Variants in ITFG1 observed in about 807,000 individuals in gnomAD.
ITFG1 encodes the protein T-cell immunomodulatory protein.
A neutral mutation model predicts 81.8 loss-of-function variants in ITFG1; 34 were observed. That is an observed-to-expected ratio of 0.42 (90% CI 0.32 to 0.55). The LOEUF (loss-of-function observed/expected upper bound fraction) is 0.55, where lower values mean the gene tolerates loss of function less well. ITFG1 is among the 20% of genes least tolerant of loss of function. ITFG1 has a pLI of 0.17. For missense variants in ITFG1, 672 were observed against 755.4 expected (o/e 0.89, Z 1.29); for synonymous variants, 285 against 270.6 (o/e 1.05, Z -0.52).
chr16:47,376,906 T>C (rs1258968880), intron 6 of ITFG1, among the ~76,000 whole-genome samples: 1 of 140,206 alleles, frequency 7.1e-6, no homozygotes, highest in Non-Finnish European at 1.5e-5. Flanking sequence ...GAGGCGGAGG[T>C]TGCAGTGAGC....
chr16:47,359,774 A>G (rs1313496361), intron 8 of ITFG1, among the ~76,000 whole-genome samples: 1 of 152,176 alleles, frequency 6.6e-6, no homozygotes, highest in Non-Finnish European at 1.5e-5. Flanking sequence ...ACCTTCTACA[A>G]CTTCACTCAA....
chr16:47,158,845 A>C, intron 17 of ITFG1, 28 bp downstream of exon 17: 1 of 1,274,510 alleles, frequency 7.8e-7, no homozygotes, highest in South Asian at 1.3e-5. Flanking sequence ...AATTAACCAA[A>C]ATTAATGCTT....
chr16:47,414,011 G>C (rs888938854), intron 6 of ITFG1, among the ~76,000 whole-genome samples: 3 of 151,716 alleles, frequency 2.0e-5, no homozygotes, highest in African/African-American at 7.3e-5. Context: ...AGTAGAGTCG[G>C]GGTTTCACCA....
chr16:47,343,168 A>G (rs886919301), intron 8 of ITFG1, among the ~76,000 whole-genome samples: 20 of 152,164 alleles, frequency 1.3e-4, no homozygotes, highest in African/African-American at 4.3e-4. Context: ...AATATAATTT[A>G]CAGTCTAGAA....
intron 6 of ITFG1, among the ~76,000 whole-genome samples, chr16:47,391,149 A>T (rs770723592): frequency 2.0e-5 from 3 of 152,042 alleles, no homozygotes; most frequent in Non-Finnish European, 4.4e-5. Context: ...CAAAGGTGGG[A>T]AAGGGACATG....
intron 6 of ITFG1, among the ~76,000 whole-genome samples, chr16:47,414,324 G>A (rs1303183281): frequency 6.7e-6 from 1 of 150,220 alleles, no homozygotes; most frequent in Non-Finnish European, 1.5e-5. Context: ...AGGAGTTCAA[G>A]ACCAGCCTGG....
chr16:47,336,667 C>T (rs1033721786), intron 8 of ITFG1, among the ~76,000 whole-genome samples: 1 of 152,052 alleles, frequency 6.6e-6, no homozygotes, highest in Non-Finnish European at 1.5e-5. Context: ...AAGGGAAATT[C>T]GTTAAGAAAT....
intron 10 of ITFG1, among the ~76,000 whole-genome samples, chr16:47,286,148 A>T (rs536004703): frequency 1.3e-5 from 2 of 152,294 alleles, no homozygotes; most frequent in South Asian, 4.1e-4. Context: ...AACTCTACAT[A>T]GGTAGAGGGA....
At chr16:47,236,075 T>C (rs769691324) in intron 13 of ITFG1, among the ~76,000 whole-genome samples, 1 of 152,200 alleles carries the variant, frequency 6.6e-6, no homozygotes, top group Non-Finnish European at 1.5e-5. Flanking sequence ...CAGCTCTGCA[T>C]GTTGGACTTT....
intron 8 of ITFG1, among the ~76,000 whole-genome samples, chr16:47,342,372 T>C (rs1189822954): frequency 6.6e-6 from 1 of 152,080 alleles, no homozygotes; most frequent in East Asian, 1.9e-4. Flanking sequence ...TTTCTGAACA[T>C]GAATTTATAA....
At chr16:47,156,189 C>A (rs1596769328) in intron 17 of ITFG1, among the ~76,000 whole-genome samples, 2 of 152,240 alleles carry the variant, frequency 1.3e-5, no homozygotes, top group African/African-American at 4.8e-5. Flanking sequence ...GTAATCCCAG[C>A]ATTTTGGGAG....
At chr16:47,227,108 ATAC>A (rs1193539028) in intron 13 of ITFG1, among the ~76,000 whole-genome samples, 4 of 152,198 alleles carry the variant, frequency 2.6e-5, no homozygotes, top group African/African-American at 9.6e-5. Context: ...GATACAACTG[ATAC>A]CTGGGCCTAT....
At chr16:47,354,670 GAATT>G (rs1968014371) in intron 8 of ITFG1, among the ~76,000 whole-genome samples, 2 of 151,952 alleles carry the variant, frequency 1.3e-5, no homozygotes, top group South Asian at 2.1e-4. Flanking sequence ...GTTAATATAA[GAATT>G]AATAAGGAAC....
At chr16:47,225,339 GA>G (rs1323176572) in intron 13 of ITFG1, among the ~76,000 whole-genome samples, 1 of 152,090 alleles carries the variant, frequency 6.6e-6, no homozygotes, top group Non-Finnish European at 1.5e-5. Flanking sequence ...AGTCCCAGAA[GA>G]GAGGAAAGAG....
chr16:47,268,983 C>T (rs559013791), intron 10 of ITFG1, among the ~76,000 whole-genome samples: 8 of 152,140 alleles, frequency 5.3e-5, no homozygotes, highest in Non-Finnish European at 1.2e-4. Context: ...AAACTCTCAG[C>T]AAACTAGGAA....
rs1044014449 is a variant in ITFG1 at position 47,302,126 on chromosome 16, A to C, written c.1070+9114T>G. ...TTGAAAAGAAGCACAAGAAAAAATA[A>C]GTACCTGCTACTAAAACAGAGAGGG... is the stretch of plus-strand genomic sequence containing the variant. On this transcript the variant is annotated intron_variant, in intron 10 of 17. Coordinates refer to ENST00000320640, the MANE Select transcript of ITFG1 (RefSeq NM_030790.5). 2.0e-5 allele frequency among the ~76,000 whole-genome samples: 3 copies of C among 152,230 alleles called. No homozygotes were observed. The East Asian group carries it at 5.8e-4, about 29-fold the overall frequency.
intron 8 of ITFG1, among the ~76,000 whole-genome samples, chr16:47,348,412 T>G (rs1967893209): frequency 6.6e-6 from 1 of 152,056 alleles, no homozygotes; most frequent in South Asian, 2.1e-4. Context: ...ACGTGACAAA[T>G]GCATAAGCTT....
intron 5 of ITFG1, among the ~76,000 whole-genome samples, chr16:47,445,171 A>G (rs997814845): frequency 1.3e-5 from 2 of 148,770 alleles, no homozygotes; most frequent in East Asian, 2.0e-4. Flanking sequence ...TTAGTTAATT[A>G]TAAGAGATTC....
chr16:47,404,725 C>T (rs1443746976), intron 6 of ITFG1, among the ~76,000 whole-genome samples: 1 of 151,810 alleles, frequency 6.6e-6, no homozygotes, highest in East Asian at 1.9e-4. Flanking sequence ...TTTTTTTTTG[C>T]TCAGCATTGT....
Sources: gnomAD v4.1 joint callset for allele counts (sites outside exome capture counted in the v4.1 genomes callset) on GRCh38, gnomAD v4.1.1 for gene constraint, MANE v1.5 for transcripts, NCBI Gene and HGNC (gene_info 2026-07-23, HGNC 2026-07-21) for gene names.